The following CTNNA3 variants were observed in gnomAD, a reference collection of about 807,000 sequenced individuals.
CTNNA3 encodes the protein catenin alpha-3.
In CTNNA3, 76 loss-of-function variants were observed where a neutral mutation model predicts 95.7. That is an observed-to-expected ratio of 0.79 (90% CI 0.66 to 0.96). The LOEUF is 0.96. Ranked by LOEUF, CTNNA3 falls within the 40% of genes least tolerant of loss-of-function variation. The pLI is 0.00. For missense variants in CTNNA3, 1,191 were observed against 1,089.8 expected (o/e 1.09, Z -1.31); for synonymous variants, 431 against 374.4 (o/e 1.15, Z -1.74).
chr10:67,148,826 A>G (rs1225451898), intron 7 of CTNNA3, among the ~76,000 whole-genome samples: 1 of 152,232 alleles, frequency 6.6e-6, no homozygotes, highest in Non-Finnish European at 1.5e-5. Context: ...GTAAATCCAC[A>G]ATAGGACTTC....
At chr10:67,559,444 G>GA (rs1254145048) in intron 3 of CTNNA3, among the ~76,000 whole-genome samples, 4 of 152,118 alleles carry the variant, frequency 2.6e-5, no homozygotes, top group South Asian at 2.1e-4. Flanking sequence ...CTGTTAGAAG[G>GA]AAAAATAACA....
At chr10:66,748,542 C>T (rs114028480) in intron 9 of CTNNA3, among the ~76,000 whole-genome samples, 1,635 of 152,102 alleles carry the variant, frequency 0.011, 40 homozygotes, top group African/African-American at 0.038. Flanking sequence ...AACTGTTGAT[C>T]AGAGATAAAT....
intron 7 of CTNNA3, among the ~76,000 whole-genome samples, chr10:67,013,776 T>G (rs986810152): frequency 6.6e-6 from 1 of 152,112 alleles, no homozygotes; most frequent in African/African-American, 2.4e-5. Flanking sequence ...ATCCTGGAAG[T>G]TTTTTTCCAA....
At chr10:66,686,101 C>T (rs1428339558) in intron 9 of CTNNA3, among the ~76,000 whole-genome samples, 1 of 152,190 alleles carries the variant, frequency 6.6e-6, no homozygotes, top group Non-Finnish European at 1.5e-5. Flanking sequence ...AATTGATTGG[C>T]TTGTCTTCCA....
At chr10:66,700,667 C>A (rs373586161) in intron 9 of CTNNA3, among the ~76,000 whole-genome samples, 1 of 152,096 alleles carries the variant, frequency 6.6e-6, no homozygotes. Flanking sequence ...GTGAAAAATG[C>A]TATTTAAGTA....
intron 15 of CTNNA3, among the ~76,000 whole-genome samples, chr10:66,027,162 T>C (rs1411944663): frequency 6.6e-6 from 1 of 152,100 alleles, no homozygotes; most frequent in Non-Finnish European, 1.5e-5. Context: ...GTTTTTGTGG[T>C]TGTGTGACAT....
At chr10:67,680,686 G>T (rs1404782605) in intron 1 of CTNNA3, among the ~76,000 whole-genome samples, 1 of 151,976 alleles carries the variant, frequency 6.6e-6, no homozygotes, top group Non-Finnish European at 1.5e-5. Context: ...AAAAACCCTG[G>T]CTAAGGTACC....
chr10:67,074,413 C>G lies in CTNNA3; in HGVS notation c.1047+105904G>C, dbSNP rs542182089. Among the ~76,000 whole-genome samples the G allele has an allele frequency of 1.3e-4, 18 of 135,500 alleles. No homozygotes were observed. In the East Asian group the frequency reaches 1.3e-3, roughly 10 times the overall value. 88.9% of individuals were successfully genotyped at this position (135,500 alleles called of 152,430 possible). On this transcript the variant is annotated intron_variant, in intron 7 of 17. Transcript: ENST00000433211. ...TCGCCCAGGCTGAAGTGCAGTGGCACGATCTCGGCTCACTGCAAGCTCCAC... is the reference window on the plus strand; with the variant it reads ...TCGCCCAGGCTGAAGTGCAGTGGCAGGATCTCGGCTCACTGCAAGCTCCAC...
chr10:67,281,701 A>C (rs1839407795), intron 5 of CTNNA3, among the ~76,000 whole-genome samples: 1 of 152,178 alleles, frequency 6.6e-6, no homozygotes, highest in Non-Finnish European at 1.5e-5. Context: ...GCATGAAAAA[A>C]TGTCTAATGG....
At chr10:66,774,577 T>TTTCCAAA (rs1454181915) in intron 8 of CTNNA3, among the ~76,000 whole-genome samples, 1 of 152,218 alleles carries the variant, frequency 6.6e-6, no homozygotes, top group Non-Finnish European at 1.5e-5. Flanking sequence ...CTCTATTCCA[T>TTTCCAAA]TTCCAAATCT....
intron 15 of CTNNA3, among the ~76,000 whole-genome samples, chr10:66,065,190 C>A (rs1057375932): frequency 6.6e-6 from 1 of 151,940 alleles, no homozygotes. Context: ...CAAGCTGTGA[C>A]CAGAAGGAAC....
In CTNNA3 at chr10:66,845,259, C is replaced by T. The variant is rs183332474; in HGVS notation, c.1048-69735G>A. Among the ~76,000 whole-genome samples the T allele has an allele frequency of 3.8e-3, 584 of 152,244 alleles. 2 individuals are homozygous for T. Among genetic ancestry groups the T allele is most frequent in the Non-Finnish European group, 7.0e-3 (473 of 68,004 alleles). On this transcript the variant is annotated intron_variant, in intron 7 of 17. Transcript: ENST00000433211. ...CCACAGAAGACATAAACGTGACCAA[C>T]AGGTACATGAAAGGGGCTGAACATC...
rs554279508 is a variant in CTNNA3, at chr10:66,902,611, TCAA to T, written c.1048-127090_1048-127088del. Among the ~76,000 whole-genome samples the T allele has an allele frequency of 4.0e-4, 61 of 151,998 alleles. No homozygotes were observed. In the South Asian group the frequency reaches 0.013, roughly 32 times the overall value. ...TCCAGGAGCTGGTTTTTTGAAAAGA[TCAA>T]CAAAATTGATAGACCACTAGCAAGA... On this transcript the variant is annotated intron_variant, in intron 7 of 17. Transcript: ENST00000433211.
At chr10:66,862,464 G>A (rs940935660) in intron 7 of CTNNA3, among the ~76,000 whole-genome samples, 3 of 152,058 alleles carry the variant, frequency 2.0e-5, no homozygotes, top group African/African-American at 7.2e-5. Flanking sequence ...CTAGGGCAGG[G>A]GATACTACTC....
At chr10:67,255,276 C>A (rs925102413) in intron 5 of CTNNA3, among the ~76,000 whole-genome samples, 2 of 151,894 alleles carry the variant, frequency 1.3e-5, no homozygotes, top group African/African-American at 4.8e-5. Flanking sequence ...GCCTGGGCAA[C>A]AAGAGCAAAA....
rs117120843 is a variant in CTNNA3 at position 65,941,774 on chromosome 10, C to G, written c.2401-21157G>C. On this transcript the variant is annotated intron_variant, in intron 17 of 17. Coordinates refer to ENST00000433211, the MANE Select transcript of CTNNA3 (RefSeq NM_013266.4). ...GACTATGGTCAGTCTTGGAAGATAT[C>G]TTCCACCTGTTGGAAACTTAACCAA... Among the ~76,000 whole-genome samples the G allele has an allele frequency of 2.4e-3, 371 of 152,178 alleles. 1 individual carries two copies. The highest frequency in any genetic ancestry group is 4.1e-3 in the Non-Finnish European group (277 of 68,008).
At chr10:67,348,883 A>G (rs1309171314) in intron 5 of CTNNA3, among the ~76,000 whole-genome samples, 1 of 152,172 alleles carries the variant, frequency 6.6e-6, no homozygotes, top group Non-Finnish European at 1.5e-5. Context: ...AACAGCAAAA[A>G]GACTAATAAC....
intron 7 of CTNNA3, among the ~76,000 whole-genome samples, chr10:67,039,156 A>C (rs1205409292): frequency 6.6e-6 from 1 of 152,118 alleles, no homozygotes; most frequent in Non-Finnish European, 1.5e-5. Context: ...ACCATAAGCT[A>C]TACTGTTACC....
chr10:66,479,978 A>ACACACACACACACACC lies in CTNNA3; in HGVS notation c.1531+40638_1531+40639insGGTGTGTGTGTGTGTG, dbSNP rs1427904243. Among the ~76,000 whole-genome samples the ACACACACACACACACC allele has an allele frequency of 3.6e-3, 540 of 151,428 alleles. 1 individual carries two copies. Among genetic ancestry groups the ACACACACACACACACC allele is most frequent in the African/African-American group, 0.012 (497 of 41,210 alleles). On this transcript the variant is annotated intron_variant, in intron 11 of 17. Transcript: ENST00000433211. ...CACACACACACACACACACACACAC[A>ACACACACACACACACC]CCCCAGAACTTTCAACTCAGCCCAG...
Sources: gnomAD v4.1 joint callset for allele counts (sites outside exome capture counted in the v4.1 genomes callset) on GRCh38, gnomAD v4.1.1 for gene constraint, MANE v1.5 for transcripts, NCBI Gene and HGNC (gene_info 2026-07-23, HGNC 2026-07-21) for gene names.